CTNNA2: variants seen among roughly 807,000 people sequenced by gnomAD.
The protein encoded by CTNNA2 is catenin alpha 2.
A neutral mutation model predicts 101.0 loss-of-function variants in CTNNA2; 42 were observed. The ratio of observed to expected loss-of-function variants is 0.42; its 90% CI spans 0.32 to 0.54. The LOEUF (loss-of-function observed/expected upper bound fraction) is 0.54, where lower values mean the gene tolerates loss of function less well. Ranked by LOEUF, CTNNA2 falls within the 20% of genes least tolerant of loss-of-function variation. The probability of loss-of-function intolerance (pLI) is 0.14; values close to 1 mark genes in which losing one functional copy is unlikely to be tolerated. For synonymous variants in CTNNA2, 450 were observed against 456.4 expected (o/e 0.99, Z 0.18); for missense variants, 871 against 1,223.1 (o/e 0.71, Z 4.29).
At chr2:80,154,390 A>C (rs1272000733) in intron 7 of CTNNA2, among the ~76,000 whole-genome samples, 1 of 152,218 alleles carries the variant, frequency 6.6e-6, no homozygotes, top group East Asian at 1.9e-4. Flanking sequence ...AGCTACTGCT[A>C]CCGGGGAGAT....
At chr2:80,410,726 CAG>C (rs1679492978) in intron 8 of CTNNA2, among the ~76,000 whole-genome samples, 2 of 152,156 alleles carry the variant, frequency 1.3e-5, no homozygotes, top group Admixed American at 1.3e-4. Flanking sequence ...CCCTGCTCAT[CAG>C]AGACACAAAT....
chr2:79,759,480 AC>A (rs1234007720), intron 3 of CTNNA2, among the ~76,000 whole-genome samples: 1 of 152,132 alleles, frequency 6.6e-6, no homozygotes, highest in African/African-American at 2.4e-5. Flanking sequence ...TCTCAGGCTC[AC>A]CAAGCTTGCT....
chr2:80,298,895 C>A (rs1675996411), intron 7 of CTNNA2: 2 of 152,136 alleles, frequency 1.3e-5, no homozygotes, highest in Admixed American at 1.3e-4. Context: ...CCTATTTTTT[C>A]TGAGTGCAGC....
intron 1 of CTNNA2, among the ~76,000 whole-genome samples, chr2:79,187,265 C>CTTTTTTTTTTTT (rs1156460356): frequency 7.2e-4 from 60 of 83,374 alleles, no homozygotes; most frequent in Non-Finnish European, 1.0e-3. Flanking sequence ...CTTTTCTTTT[C>CTTTTTTTTTTTT]TTTTCTTTTT....
intron 3 of CTNNA2, among the ~76,000 whole-genome samples, chr2:79,828,081 T>A (rs564250587): frequency 6.6e-6 from 1 of 152,190 alleles, no homozygotes; most frequent in Non-Finnish European, 1.5e-5. Flanking sequence ...AAATAGAGTA[T>A]AAGCAATAAC....
At chr2:79,847,542 CAAAAAAA>C (rs70940050) in intron 3 of CTNNA2, among the ~76,000 whole-genome samples, 1 of 40,160 alleles carries the variant, frequency 2.5e-5, no homozygotes, top group Non-Finnish European at 4.3e-5. Context: ...GACTCTGTCT[CAAAAAAA>C]AAAAAAAAAA....
intron 7 of CTNNA2, chr2:80,288,930 T>C (rs1017812384): frequency 1.3e-5 from 2 of 152,226 alleles, no homozygotes; most frequent in Non-Finnish European, 1.5e-5. Flanking sequence ...TGCTTGGCTG[T>C]GAGGTCCAAG....
chr2:80,256,615 C>G (rs1211252481), intron 7 of CTNNA2, among the ~76,000 whole-genome samples: 1 of 152,120 alleles, frequency 6.6e-6, no homozygotes, highest in Non-Finnish European at 1.5e-5. Context: ...GTGACTCACA[C>G]CAGCCCTAGA....
chr2:79,456,524 G>T (rs1038536363), intron 4 of CTNNA2, among the ~76,000 whole-genome samples: 1 of 152,154 alleles, frequency 6.6e-6, no homozygotes, highest in Non-Finnish European at 1.5e-5. Flanking sequence ...TATTAAAATA[G>T]AATGGAATTG....
At chr2:79,518,600 G>T (rs1169764372) in intron 1 of CTNNA2, among the ~76,000 whole-genome samples, 1 of 152,092 alleles carries the variant, frequency 6.6e-6, no homozygotes, top group Non-Finnish European at 1.5e-5. Flanking sequence ...AAGGACTCCA[G>T]AAATCACCAG....
At chr2:80,502,937 C>T (rs1687988242) in intron 9 of CTNNA2, among the ~76,000 whole-genome samples, 1 of 152,126 alleles carries the variant, frequency 6.6e-6, no homozygotes, top group East Asian at 1.9e-4. Context: ...GAGGCTGAGG[C>T]TGGAAGATAA....
chr2:79,458,367 C>T (rs1670846424), intron 4 of CTNNA2, among the ~76,000 whole-genome samples: 1 of 152,046 alleles, frequency 6.6e-6, no homozygotes, highest in Admixed American at 6.6e-5. Flanking sequence ...CCTGATGTTG[C>T]TCTATAAGAT....
intron 4 of CTNNA2, among the ~76,000 whole-genome samples, chr2:79,865,751 G>A (rs1000280344): frequency 1.3e-5 from 2 of 152,168 alleles, no homozygotes; most frequent in East Asian, 3.9e-4. Context: ...ACGGAGTCTC[G>A]CACTGTCGCC....
chr2:79,416,376 CAA>C (rs1309460606), intron 4 of CTNNA2, among the ~76,000 whole-genome samples: 1 of 144,126 alleles, frequency 6.9e-6, no homozygotes, highest in Non-Finnish European at 1.5e-5. Context: ...AAGCCTATTT[CAA>C]AGTCTTGCTC....
chr2:79,643,084 G>T (rs1453434936), intron 1 of CTNNA2, among the ~76,000 whole-genome samples: 1 of 152,030 alleles, frequency 6.6e-6, no homozygotes, highest in Non-Finnish European at 1.5e-5. Flanking sequence ...CAAGCTACTC[G>T]GGAGGCTGAG....
rs767867449 is a variant in CTNNA2, at chr2:80,065,076, A to AT, written c.1056+155287dup. 7.9e-5 allele frequency among the ~76,000 whole-genome samples: 12 copies of AT among 152,150 alleles called. No individual in the cohort carries two copies. The East Asian group carries it at 1.9e-3, about 25-fold the overall frequency. ...GACTTGTAAATTTCACTCAAAAAGA[A>AT]TTTTTTTTGAGTAAGAGGTCAGTGG... On this transcript the variant is annotated intron_variant, in intron 7 of 18. Coordinates refer to ENST00000402739, the MANE Select transcript of CTNNA2 (RefSeq NM_001282597.3).
intron 4 of CTNNA2, among the ~76,000 whole-genome samples, chr2:79,861,033 C>G (rs1681583881): frequency 6.6e-6 from 1 of 152,140 alleles, no homozygotes; most frequent in Non-Finnish European, 1.5e-5. Context: ...TTACACCTTT[C>G]TCAAGGATTT....
intron 1 of CTNNA2, among the ~76,000 whole-genome samples, chr2:79,570,392 G>A (rs1447904031): frequency 6.6e-6 from 1 of 152,062 alleles, no homozygotes; most frequent in Non-Finnish European, 1.5e-5. Flanking sequence ...GATATATGAT[G>A]AAATATTCTT....
intron 2 of CTNNA2, among the ~76,000 whole-genome samples, chr2:79,231,587 G>T (rs540612102): frequency 7.2e-5 from 11 of 152,284 alleles, no homozygotes; most frequent in Non-Finnish European, 1.6e-4. Context: ...AGATTTCTCT[G>T]GTTCTGGGAG....
Sources: allele counts gnomAD v4.1 joint callset (sites outside exome capture counted in the v4.1 genomes callset), GRCh38; gene constraint gnomAD v4.1.1; transcripts MANE v1.5; gene names NCBI Gene and HGNC (gene_info 2026-07-23, HGNC 2026-07-21).